RIT2: variants seen among roughly 807,000 people sequenced by gnomAD.
RIT2 encodes the protein GTP-binding protein Rit2.
A neutral mutation model predicts 23.7 loss-of-function variants in RIT2; 24 were observed. That is an observed-to-expected ratio of 1.01 (90% CI 0.73 to 1.43). The LOEUF is 1.43. Among genes scored for constraint, RIT2 ranks in the 40% most tolerant of loss-of-function variants. The pLI is 0.00. For synonymous variants in RIT2, 107 were observed against 91.1 expected (o/e 1.17, Z -0.99); for missense variants, 236 against 266.9 (o/e 0.88, Z 0.81).
At chr18:42,746,107 G>A (rs1912911069) in intron 4 of RIT2, among the ~76,000 whole-genome samples, 1 of 152,036 alleles carries the variant, frequency 6.6e-6, no homozygotes, top group African/African-American at 2.4e-5. Flanking sequence ...CAGGCTAAGA[G>A]AGCCCTTCTT....
chr18:43,078,168 T>C (rs571235172), intron 1 of RIT2, among the ~76,000 whole-genome samples: 97 of 152,278 alleles, frequency 6.4e-4, no homozygotes, highest in African/African-American at 2.2e-3. Context: ...ATTGTCAGTG[T>C]TTAATTTTCT....
At chr18:43,027,719 C>T (rs889368353) in intron 2 of RIT2, among the ~76,000 whole-genome samples, 3 of 151,920 alleles carry the variant, frequency 2.0e-5, no homozygotes, top group Non-Finnish European at 4.4e-5. Context: ...ATCCAGAGCA[C>T]CATTAAAAGC....
intron 4 of RIT2, among the ~76,000 whole-genome samples, chr18:42,781,477 C>G (rs1022361099): frequency 5.9e-5 from 9 of 152,116 alleles, no homozygotes; most frequent in African/African-American, 2.2e-4. Context: ...TTCCACCTGG[C>G]TAACCACCCA....
At chr18:42,769,733 A>G (rs1326535502) in intron 4 of RIT2, among the ~76,000 whole-genome samples, 2 of 151,814 alleles carry the variant, frequency 1.3e-5, no homozygotes, top group Non-Finnish European at 2.9e-5. Flanking sequence ...TAAGAAAGAA[A>G]GATGTCTTAC....
chr18:42,765,840 T>C (rs1260123691), intron 4 of RIT2, among the ~76,000 whole-genome samples: 1 of 152,166 alleles, frequency 6.6e-6, no homozygotes, highest in African/African-American at 2.4e-5. Context: ...TTTTCGGTAA[T>C]TGAATCATGA....
intron 2 of RIT2, among the ~76,000 whole-genome samples, chr18:43,020,730 T>G (rs1157796387): frequency 6.6e-6 from 1 of 152,088 alleles, no homozygotes; most frequent in Non-Finnish European, 1.5e-5. Flanking sequence ...CAATTGATTT[T>G]CAACAAAGTT....
At chr18:42,921,928 T>A (rs1312401797) in intron 4 of RIT2, among the ~76,000 whole-genome samples, 1 of 152,154 alleles carries the variant, frequency 6.6e-6, no homozygotes. Flanking sequence ...TCTGCCAAGT[T>A]ATCTAAAATA....
chr18:42,831,744 C>G (rs1568007532), intron 4 of RIT2, among the ~76,000 whole-genome samples: 1 of 152,296 alleles, frequency 6.6e-6, no homozygotes, highest in Non-Finnish European at 1.5e-5. Context: ...AAAACATACA[C>G]TTAACTAGGA....
intron 4 of RIT2, among the ~76,000 whole-genome samples, chr18:42,861,249 G>A (rs1907319480): frequency 6.6e-6 from 1 of 152,160 alleles, no homozygotes; most frequent in African/African-American, 2.4e-5. Context: ...GATAATATAT[G>A]AGTAATGAGG....
chr18:43,030,000 G>T (rs1911818065), intron 2 of RIT2, among the ~76,000 whole-genome samples: 1 of 151,924 alleles, frequency 6.6e-6, no homozygotes, highest in Admixed American at 6.6e-5. Flanking sequence ...TGCTTTCCTA[G>T]AAATGTATTT....
intron 4 of RIT2, among the ~76,000 whole-genome samples, chr18:42,913,521 T>G (rs1200815926): frequency 6.6e-6 from 1 of 151,636 alleles, no homozygotes; most frequent in Admixed American, 6.6e-5. Flanking sequence ...CTCTCATAAC[T>G]TAAACTTAAA....
intron 1 of RIT2, among the ~76,000 whole-genome samples, chr18:43,086,526 T>C (rs563848821): frequency 1.3e-5 from 2 of 152,166 alleles, no homozygotes; most frequent in African/African-American, 4.8e-5. Context: ...AATGTAACTG[T>C]AGAGAAAAGT....
chr18:42,981,575 T>A (rs1300759912), intron 2 of RIT2, among the ~76,000 whole-genome samples: 1 of 151,940 alleles, frequency 6.6e-6, no homozygotes, highest in South Asian at 2.1e-4. Flanking sequence ...CAGGAGCCAA[T>A]CATCATCCCA....
In RIT2 at chr18:42,987,556, G is replaced by A. The variant is rs117744518; in HGVS notation, c.161-13409C>T. Among the ~76,000 whole-genome samples the A allele has an allele frequency of 5.5e-4, 83 of 152,188 alleles. 1 individual carries two copies. In the East Asian group the frequency reaches 0.015, roughly 27 times the overall value. On this transcript the variant is annotated intron_variant, in intron 2 of 4. Coordinates refer to ENST00000326695, the MANE Select transcript of RIT2 (RefSeq NM_002930.4). The stretch of plus-strand genomic sequence containing the variant: ...ATTGCAAGCAATTTCACACATCAGG[G>A]ATATATGTACATGTAGAGTTACACA...
At chr18:42,882,292 T>C (rs1329653647) in intron 4 of RIT2, among the ~76,000 whole-genome samples, 1 of 152,200 alleles carries the variant, frequency 6.6e-6, no homozygotes, top group Non-Finnish European at 1.5e-5. Flanking sequence ...GGCTATAAAA[T>C]GAGGGGTCTG....
intron 1 of RIT2, among the ~76,000 whole-genome samples, chr18:43,064,694 A>T (rs955326038): frequency 6.6e-6 from 1 of 152,232 alleles, no homozygotes; most frequent in African/African-American, 2.4e-5. Context: ...ACTTTTCAAA[A>T]TAAATCACAA....
chr18:43,026,354 G>A (rs1279486000), intron 2 of RIT2, among the ~76,000 whole-genome samples: 1 of 151,950 alleles, frequency 6.6e-6, no homozygotes, highest in African/African-American at 2.4e-5. Flanking sequence ...AAGAGATTGA[G>A]AACGTCCTGA....
chr18:42,806,565 G>A (rs557009056), intron 4 of RIT2, among the ~76,000 whole-genome samples: 165 of 152,218 alleles, frequency 1.1e-3, no homozygotes, highest in African/African-American at 3.7e-3. Flanking sequence ...TGCAACTTGT[G>A]GCACTGCGTT....
At chr18:43,079,576 G>A (rs1294517571) in intron 1 of RIT2, among the ~76,000 whole-genome samples, 1 of 152,190 alleles carries the variant, frequency 6.6e-6, no homozygotes, top group African/African-American at 2.4e-5. Flanking sequence ...AAGCTGTCAA[G>A]AGGGTTCCTT....
Sources: allele counts gnomAD v4.1 joint callset (sites outside exome capture counted in the v4.1 genomes callset), GRCh38; gene constraint gnomAD v4.1.1; transcripts MANE v1.5; gene names NCBI Gene and HGNC (gene_info 2026-07-23, HGNC 2026-07-21).